Variants in KYNU observed in about 807,000 individuals in gnomAD.
KYNU encodes L-kynurenine hydrolase.
In KYNU, 54 loss-of-function variants were observed where a neutral mutation model predicts 59.2. That is an observed-to-expected ratio of 0.91 (90% CI 0.73 to 1.14). The LOEUF (loss-of-function observed/expected upper bound fraction) is 1.14, where lower values mean the gene tolerates loss of function less well. Among genes scored for constraint, KYNU ranks in the 50% most tolerant of loss-of-function variants. The pLI is 0.00. For synonymous variants in KYNU, 177 were observed against 192.0 expected, an observed-to-expected ratio of 0.92 and a Z score of 0.65; for missense variants, 567 against 554.4, an observed-to-expected ratio of 1.02 and a Z score of -0.23.
chr2:143,032,910 A>C (rs1275658248), intron 11 of KYNU, among the ~76,000 whole-genome samples: 1 of 152,172 alleles, frequency 6.6e-6, no homozygotes, highest in Non-Finnish European at 1.5e-5. Flanking sequence ...AGAATAGCAA[A>C]TGTTGAGCAG....
At chr2:142,984,470 C>A (rs1182122134) in intron 8 of KYNU, among the ~76,000 whole-genome samples, 2 of 151,956 alleles carry the variant, frequency 1.3e-5, no homozygotes, top group African/African-American at 4.8e-5. Flanking sequence ...ACATGTGAAT[C>A]GTCATTGTTT....
intron 10 of KYNU, 137 bp from the exon 11 acceptor site, chr2:143,029,490 G>A: frequency 1.5e-6 from 1 of 676,696 alleles, no homozygotes; most frequent in Non-Finnish European, 2.7e-6. Context: ...AGAGGCTAAG[G>A]CACAAGAATC....
chr2:142,977,787 G>A (rs548281591), intron 8 of KYNU, among the ~76,000 whole-genome samples: 1 of 152,246 alleles, frequency 6.6e-6, no homozygotes, highest in African/African-American at 2.4e-5. Flanking sequence ...ATAATGCTTA[G>A]TTCCTACTCA....
chr2:142,996,655 C>G (rs1206504551), intron 10 of KYNU, among the ~76,000 whole-genome samples: 1 of 152,094 alleles, frequency 6.6e-6, no homozygotes, highest in East Asian at 1.9e-4. Context: ...GGGTAGCCCT[C>G]TTGGGCAGGG....
In KYNU at chr2:142,877,667, T is replaced by G. The variant is rs1342043105; in HGVS notation, c.-89T>G. On this transcript the variant is annotated 5_prime_UTR_variant, in exon 1 of 14. Coordinates refer to ENST00000264170, the MANE Select transcript of KYNU (RefSeq NM_003937.3). ...CTCACCCTAAGATCTGGCCTGTACA[T>G]TTTCAAGGAATTCTTGAGAGGTTCT... The G allele has an allele frequency of 6.6e-6, 1 of 152,190 alleles. No homozygotes were observed. 9.4% of individuals were successfully genotyped at this position (152,190 alleles called of 1,614,324 possible). A position where few individuals can be genotyped will look rare whatever the true frequency, so the allele number is the denominator to read the frequency against.
chr2:142,984,463 T>G (rs1288785344), intron 8 of KYNU, among the ~76,000 whole-genome samples: 2 of 152,076 alleles, frequency 1.3e-5, no homozygotes, highest in Non-Finnish European at 2.9e-5. Flanking sequence ...ACATCACACA[T>G]GTGAATCGTC....
Position 143,010,754 on chromosome 2 carries a change from G to A in KYNU, c.903-18873G>A, listed in dbSNP as rs866496014. ...ACAGAACAGAGCCCTCATAAATAATGCCGCATACCTACAACTATCTGATCT... is the reference window on the plus strand; with the variant it reads ...ACAGAACAGAGCCCTCATAAATAATACCGCATACCTACAACTATCTGATCT... On this transcript the variant is annotated intron_variant, in intron 10 of 13. Coordinates refer to ENST00000264170, the MANE Select transcript of KYNU (RefSeq NM_003937.3). 1.3e-3 allele frequency among the ~76,000 whole-genome samples: 186 copies of A among 148,012 alleles called. 5 individuals are homozygous for A. The highest frequency in any genetic ancestry group is 4.4e-3 in the African/African-American group (175 of 39,758).
In KYNU at chr2:142,939,602, C is replaced by CAAAAAAAA. The variant is rs71301737; in HGVS notation, c.373+11874_373+11881dup. Among the ~76,000 whole-genome samples the CAAAAAAAA allele has an allele frequency of 1.3e-3, 87 of 64,898 alleles. 1 individual carries two copies. The highest frequency in any genetic ancestry group is 2.9e-3 in the Admixed American group (13 of 4,434). 42.6% of individuals were successfully genotyped at this position (64,898 alleles called of 152,430 possible). A position where few individuals can be genotyped will look rare whatever the true frequency, so the allele number is the denominator to read the frequency against. On this transcript the variant is annotated intron_variant, in intron 4 of 13. Coordinates refer to ENST00000264170, the MANE Select transcript of KYNU (RefSeq NM_003937.3). ...GGTGACAGAGCGAGACTCCATCTCA[C>CAAAAAAAA]AAAAAAAAAAAAAAAAAAAAGAAAA... is the stretch of plus-strand genomic sequence containing the variant.
intron 10 of KYNU, among the ~76,000 whole-genome samples, chr2:143,023,608 A>G (rs1573909052): frequency 6.6e-6 from 1 of 151,986 alleles, no homozygotes; most frequent in African/African-American, 2.4e-5. Flanking sequence ...ATGAACAGCA[A>G]TTCATAACTG....
chr2:142,927,608 C>A, intron 3 of KYNU, 51 bp from the exon 4 acceptor site: 2 of 1,252,910 alleles, frequency 1.6e-6, no homozygotes, highest in Non-Finnish European at 1.2e-6. Context: ...GAAATAATCA[C>A]ACACATGCAC....
chr2:142,892,640 A>G (rs1413522319), intron 2 of KYNU, among the ~76,000 whole-genome samples: 1 of 152,198 alleles, frequency 6.6e-6, no homozygotes, highest in Non-Finnish European at 1.5e-5. Flanking sequence ...AAAGGAAAAT[A>G]TTCAGTAAAT....
chr2:142,938,048 T>C (rs558591016), intron 4 of KYNU, among the ~76,000 whole-genome samples: 1 of 152,198 alleles, frequency 6.6e-6, no homozygotes, highest in African/African-American at 2.4e-5. Context: ...TCGGTAATTT[T>C]TTTTTACGGG....
intron 10 of KYNU, among the ~76,000 whole-genome samples, chr2:143,007,853 A>C (rs1231652946): frequency 1.7e-5 from 2 of 116,770 alleles, no homozygotes; most frequent in Non-Finnish European, 3.4e-5. Flanking sequence ...AGACAAGCAA[A>C]TGCTGAGAGA....
chr2:143,051,557 C>A lies in KYNU; in HGVS notation c.*9385C>A, dbSNP rs915266793. On this transcript the variant is annotated 3_prime_UTR_variant, in exon 14 of 14. Transcript: ENST00000264170. Reference sequence around the variant, plus strand: ...TGTAGTTTTATCTTTGTGGGAAGGACCTGGTAAGAGGTAATTGAATCATGG... The same window carrying A: ...TGTAGTTTTATCTTTGTGGGAAGGAACTGGTAAGAGGTAATTGAATCATGG... 1 of 151,806 alleles carries A rather than the reference C, an allele frequency of 6.6e-6. No homozygotes were observed. The highest frequency in any genetic ancestry group is 1.5e-5 in the Non-Finnish European group (1 of 67,956). The allele number at this position is 151,806 out of a possible 1,614,324, so 9.4% of individuals were successfully genotyped here.
chr2:142,943,936 G>A (rs748992074), intron 4 of KYNU, among the ~76,000 whole-genome samples: 12 of 152,170 alleles, frequency 7.9e-5, no homozygotes, highest in Admixed American at 3.9e-4. Context: ...TGGCAGTTAT[G>A]AGACCCGTAA....
At chr2:143,030,764 T>G (rs1186608786) in intron 11 of KYNU, among the ~76,000 whole-genome samples, 1 of 146,452 alleles carries the variant, frequency 6.8e-6, no homozygotes, top group African/African-American at 2.5e-5. Flanking sequence ...ATGGGGTTAT[T>G]TCCTGATAAG....
intron 8 of KYNU, among the ~76,000 whole-genome samples, chr2:142,975,649 GAGTA>G (rs1264780941): frequency 6.6e-6 from 1 of 152,210 alleles, no homozygotes; most frequent in Non-Finnish European, 1.5e-5. Flanking sequence ...ACAAGCAGCT[GAGTA>G]AGTGAAGCAC....
chr2:142,901,109 G>T (rs1213005891), intron 2 of KYNU, among the ~76,000 whole-genome samples: 2 of 151,832 alleles, frequency 1.3e-5, no homozygotes, highest in Admixed American at 1.3e-4. Context: ...AGTGCAGGGG[G>T]TTATTTTTTT....
intron 4 of KYNU, among the ~76,000 whole-genome samples, chr2:142,950,615 G>T (rs1683957999): frequency 6.6e-6 from 1 of 152,174 alleles, no homozygotes; most frequent in Admixed American, 6.5e-5. Flanking sequence ...CGTCCCGCCA[G>T]GTCCCTCCCA....
Sources: allele counts gnomAD v4.1 joint callset (sites outside exome capture counted in the v4.1 genomes callset), GRCh38; gene constraint gnomAD v4.1.1; transcripts MANE v1.5; gene names NCBI Gene and HGNC (gene_info 2026-07-23, HGNC 2026-07-21).